The following ROBO1 variants were observed in gnomAD, a reference collection of about 807,000 sequenced individuals.
ROBO1 encodes the protein roundabout guidance receptor 1.
In ROBO1, 149 loss-of-function variants were observed where a neutral mutation model predicts 195.9. That is an observed-to-expected ratio of 0.76 (90% CI 0.67 to 0.87). ROBO1 has a LOEUF of 0.87. Among genes scored for constraint, ROBO1 ranks in the 40% least tolerant of loss-of-function variants. The pLI is 0.00. For synonymous variants in ROBO1, 816 were observed against 733.2 expected (o/e 1.11, Z -1.82); for missense variants, 1,933 against 2,068.3 (o/e 0.93, Z 1.27).
chr3:79,087,271 A>G (rs1454273007), intron 3 of ROBO1, among the ~76,000 whole-genome samples: 1 of 152,116 alleles, frequency 6.6e-6, no homozygotes, highest in South Asian at 2.1e-4. Flanking sequence ...TCATTTTAGA[A>G]ATTATAATGT....
intron 8 of ROBO1, among the ~76,000 whole-genome samples, chr3:78,698,818 G>C (rs1005674106): frequency 2.6e-5 from 4 of 152,054 alleles, no homozygotes; most frequent in African/African-American, 7.2e-5. Flanking sequence ...ACCTATCACA[G>C]GTACTCAGAA....
intron 3 of ROBO1, chr3:79,018,676 C>A (rs1446049992): frequency 4.4e-6 from 6 of 1,374,730 alleles, no homozygotes; most frequent in Non-Finnish European, 5.7e-6. Context: ...CAAGGTTTGT[C>A]TTCTCCGGCC....
intron 2 of ROBO1, chr3:79,527,687 T>C (rs1941488459): frequency 1.3e-5 from 2 of 151,978 alleles, no homozygotes; most frequent in African/African-American, 4.8e-5. Flanking sequence ...GTGGTATCTC[T>C]CCAAGTATAC....
In ROBO1 at chr3:79,711,661, T is replaced by A. The variant is rs202211199; in HGVS notation, c.-51+56091A>T. On this transcript the variant is annotated intron_variant, in intron 1 of 30. Transcript: ENST00000464233. ...GTTACTGTTAAAACACATACACACATACACACACACGCAGGCATGCCTTGT... is the reference window on the plus strand; with the variant it reads ...GTTACTGTTAAAACACATACACACAAACACACACACGCAGGCATGCCTTGT... 8.6e-5 allele frequency among the ~76,000 whole-genome samples: 13 copies of A among 151,542 alleles called. No homozygotes were observed. The East Asian group carries it at 2.5e-3, about 29-fold the overall frequency.
At chr3:79,575,400 TAA>T (rs1165246419) in intron 2 of ROBO1, among the ~76,000 whole-genome samples, 1 of 125,086 alleles carries the variant, frequency 8.0e-6, no homozygotes, top group Non-Finnish European at 1.6e-5. Flanking sequence ...CAAATATATA[TAA>T]ATATAGATAA....
At chr3:79,765,612 TTATG>T in intron 1 of ROBO1, among the ~76,000 whole-genome samples, 1 of 152,212 alleles carries the variant, frequency 6.6e-6, no homozygotes, top group South Asian at 2.1e-4. Context: ...GAAAACCCAG[TTATG>T]AGGCTTCCAA....
At chr3:78,756,646 C>T (rs530089538) in intron 4 of ROBO1, among the ~76,000 whole-genome samples, 2 of 152,058 alleles carry the variant, frequency 1.3e-5, no homozygotes, top group Non-Finnish European at 2.9e-5. Context: ...TTTGTGTGTG[C>T]GTGTGTGCAT....
At chr3:79,477,016 CATTA>C (rs1475376381) in intron 2 of ROBO1, among the ~76,000 whole-genome samples, 1 of 151,916 alleles carries the variant, frequency 6.6e-6, no homozygotes, top group African/African-American at 2.4e-5. Flanking sequence ...TTTATTAACA[CATTA>C]ATTAATATGT....
intron 1 of ROBO1, among the ~76,000 whole-genome samples, chr3:79,721,313 G>C (rs756425628): frequency 6.6e-6 from 1 of 151,096 alleles, no homozygotes; most frequent in Non-Finnish European, 1.5e-5. Flanking sequence ...AATTACAGTA[G>C]GACATTTGAT....
chr3:78,706,156 G>A (rs141813433), intron 8 of ROBO1, among the ~76,000 whole-genome samples: 274 of 152,036 alleles, frequency 1.8e-3, no homozygotes, highest in African/African-American at 6.4e-3. Context: ...TCACTCGGAT[G>A]GGGAGTGTCT....
chr3:78,693,463 A>G, intron 8 of ROBO1: 1 of 821,926 alleles, frequency 1.2e-6, no homozygotes, highest in East Asian at 2.7e-5. Context: ...TTCTTTTAAG[A>G]TAAAGAACAT....
chr3:79,190,050 A>G (rs184830168), intron 2 of ROBO1, among the ~76,000 whole-genome samples: 5 of 151,642 alleles, frequency 3.3e-5, no homozygotes, highest in Non-Finnish European at 7.4e-5. Flanking sequence ...TACTTGGTGT[A>G]TTTTCTGTAA....
In ROBO1 at chr3:79,638,233, G is replaced by A. The variant is rs994249429; in HGVS notation, c.-50-48272C>T. 7.4e-4 allele frequency among the ~76,000 whole-genome samples: 112 copies of A among 152,114 alleles called. 1 individual carries two copies. Among genetic ancestry groups the A allele is most frequent in the Non-Finnish European group, 1.3e-4 (9 of 68,012 alleles). Reference sequence around the variant, plus strand: ...CATATTTAGGACTGCAAAATATCCAGTATCATATCAGATACTTCTCATGGT... The same window carrying A: ...CATATTTAGGACTGCAAAATATCCAATATCATATCAGATACTTCTCATGGT... On this transcript the variant is annotated intron_variant, in intron 1 of 30. Transcript: ENST00000464233.
intron 3 of ROBO1, among the ~76,000 whole-genome samples, chr3:78,977,726 G>T (rs1356415000): frequency 6.6e-6 from 1 of 151,940 alleles, no homozygotes; most frequent in Non-Finnish European, 1.5e-5. Flanking sequence ...ATACCACAAT[G>T]TTAGTGTCAC....
At chr3:79,074,139 C>A (rs1182688653) in intron 3 of ROBO1, among the ~76,000 whole-genome samples, 1 of 151,048 alleles carries the variant, frequency 6.6e-6, no homozygotes, top group East Asian at 2.0e-4. Context: ...TCTTGGGATC[C>A]CTTTCAGATT....
At chr3:79,712,244 C>T (rs1702307546) in intron 1 of ROBO1, among the ~76,000 whole-genome samples, 1 of 152,004 alleles carries the variant, frequency 6.6e-6, no homozygotes, top group African/African-American at 2.4e-5. Flanking sequence ...CCTCTTGTGC[C>T]AAAAAGTTAT....
At chr3:78,942,104 C>G (rs1429575343) in intron 3 of ROBO1, among the ~76,000 whole-genome samples, 1 of 152,006 alleles carries the variant, frequency 6.6e-6, no homozygotes, top group African/African-American at 2.4e-5. Flanking sequence ...AGTTCAAGAC[C>G]AGCCTAGGCA....
intron 3 of ROBO1, among the ~76,000 whole-genome samples, chr3:78,983,694 G>T (rs1197005593): frequency 6.6e-6 from 1 of 152,080 alleles, no homozygotes; most frequent in Non-Finnish European, 1.5e-5. Flanking sequence ...TAACATAAAG[G>T]GATAGACAGG....
intron 2 of ROBO1, among the ~76,000 whole-genome samples, chr3:79,514,031 C>T (rs777646101): frequency 6.6e-6 from 1 of 152,042 alleles, no homozygotes; most frequent in East Asian, 1.9e-4. Context: ...TTCTCTAGAC[C>T]GTTAGTCACC....
Sources: allele counts gnomAD v4.1 joint callset (sites outside exome capture counted in the v4.1 genomes callset), GRCh38; gene constraint gnomAD v4.1.1; transcripts MANE v1.5; gene names NCBI Gene and HGNC (gene_info 2026-07-23, HGNC 2026-07-21).